KLHDC4: variants seen among roughly 807,000 people sequenced by gnomAD.
The protein encoded by KLHDC4 is kelch domain-containing protein 4.
KLHDC4 carries 90 observed loss-of-function variants against 62.4 expected under a neutral mutation model. That is an observed-to-expected ratio of 1.44 (90% CI 1.22 to 1.72). KLHDC4 has a LOEUF of 1.72. Ranked by LOEUF, KLHDC4 falls within the 40% of genes most tolerant of loss-of-function variation. The pLI is 0.00. For synonymous variants in KLHDC4, 386 were observed against 284.4 expected (o/e 1.36, Z -3.59); for missense variants, 1,025 against 699.7 (o/e 1.47, Z -5.25).
intron 7 of KLHDC4, among the ~76,000 whole-genome samples, chr16:87,719,918 C>A (rs1470224382): frequency 6.6e-6 from 1 of 152,222 alleles, no homozygotes; most frequent in Non-Finnish European, 1.5e-5. Context: ...ATCGGCCGCA[C>A]ACGCCAAGTC....
rs184170931 is a variant in KLHDC4, at chr16:87,735,041, C to A, written c.507-4397G>T. 3.8e-4 allele frequency among the ~76,000 whole-genome samples: 52 copies of A among 138,554 alleles called. 1 individual carries two copies. Among genetic ancestry groups the A allele is most frequent in the African/African-American group, 1.2e-3 (42 of 36,452 alleles). 90.9% of individuals were successfully genotyped at this position (138,554 alleles called of 152,430 possible). A position where few individuals can be genotyped will look rare whatever the true frequency, so the allele number is the denominator to read the frequency against. On this transcript the variant is annotated intron_variant, in intron 5 of 11. Transcript: ENST00000270583. ...ACGAATTGCCCGACGCCCCCTCCCC[C>A]CCAGACGAATTTCCTGATGGATTAC... is the stretch of plus-strand genomic sequence containing the variant.
At chr16:87,749,926 G>T (rs190477095) in intron 4 of KLHDC4, among the ~76,000 whole-genome samples, 2 of 152,218 alleles carry the variant, frequency 1.3e-5, no homozygotes, top group Non-Finnish European at 2.9e-5. Context: ...CACAGTAAAG[G>T]TGAAGGAGCG....
At chr16:87,745,336 C>T (rs1192363937) in intron 5 of KLHDC4, among the ~76,000 whole-genome samples, 1 of 152,194 alleles carries the variant, frequency 6.6e-6, no homozygotes. Context: ...CCCATACTAC[C>T]CAGCACTGCT....
chr16:87,747,486 CCTA>C (rs1054461826), intron 5 of KLHDC4: 29 of 152,134 alleles, frequency 1.9e-4, no homozygotes, highest in African/African-American at 6.5e-4. Context: ...AATTGCTGCG[CCTA>C]CTAAAATTAC....
At chr16:87,732,640 T>C (rs559090861) in intron 5 of KLHDC4, among the ~76,000 whole-genome samples, 1 of 152,372 alleles carries the variant, frequency 6.6e-6, no homozygotes, top group East Asian at 1.9e-4. Flanking sequence ...AGAGATACCA[T>C]TTTATTCTAT....
chr16:87,761,314 G>A (rs2045863349), intron 2 of KLHDC4, among the ~76,000 whole-genome samples: 3 of 152,140 alleles, frequency 2.0e-5, no homozygotes, highest in South Asian at 4.1e-4. Context: ...TAATGCAAAC[G>A]CAGCACAATC....
chr16:87,736,350 A>C (rs1022891983), intron 5 of KLHDC4, among the ~76,000 whole-genome samples: 29 of 152,224 alleles, frequency 1.9e-4, no homozygotes, highest in African/African-American at 7.0e-4. Context: ...TCGTGAACAG[A>C]AACATCGTGA....
At chr16:87,745,234 C>CA (rs2042867546) in intron 5 of KLHDC4, among the ~76,000 whole-genome samples, 8 of 152,224 alleles carry the variant, frequency 5.3e-5, no homozygotes, top group Admixed American at 5.2e-4. Flanking sequence ...TCTCACAACA[C>CA]CCGCCCTGGG....
rs2036372935 is a variant in KLHDC4, at chr16:87,713,809, C to T, written c.835+689G>A. 2.6e-5 allele frequency among the ~76,000 whole-genome samples: 4 copies of T among 152,286 alleles called. No homozygotes were observed. The South Asian group carries it at 8.3e-4, about 32-fold the overall frequency. On this transcript the variant is annotated intron_variant, in intron 8 of 11. Transcript: ENST00000270583. ...ATCCCATGTCATCCTTTTAAAAAGTCCCAGAGAATGATGATTGTTCCCCTG... is the reference window on the plus strand; with the variant it reads ...ATCCCATGTCATCCTTTTAAAAAGTTCCAGAGAATGATGATTGTTCCCCTG...
chr16:87,719,920 C>G (rs1436191357), intron 7 of KLHDC4, among the ~76,000 whole-genome samples: 1 of 152,214 alleles, frequency 6.6e-6, no homozygotes, highest in Non-Finnish European at 1.5e-5. Context: ...CGGCCGCACA[C>G]GCCAAGTCCC....
At chr16:87,724,964 C>A (rs960126223) in intron 7 of KLHDC4, among the ~76,000 whole-genome samples, 6 of 152,154 alleles carry the variant, frequency 3.9e-5, no homozygotes, top group African/African-American at 1.4e-4. Flanking sequence ...AGGTGTCCAA[C>A]GAAAAACAGA....
intron 7 of KLHDC4, among the ~76,000 whole-genome samples, chr16:87,719,252 G>A (rs1366567133): frequency 3.3e-5 from 5 of 152,276 alleles, no homozygotes; most frequent in African/African-American, 7.2e-5. Flanking sequence ...GGAAAAGAAA[G>A]AGAGATCAGA....
chr16:87,726,855 CG>C lies in KLHDC4; in HGVS notation c.668del (p.Pro223ArgfsTer49). The C allele has an allele frequency of 6.2e-7, 1 of 1,613,358 alleles. No homozygotes were observed. The highest frequency in any genetic ancestry group is 1.1e-5 in the South Asian group (1 of 91,040). On this transcript the variant is annotated frameshift_variant, in exon 7 of 12. Transcript: ENST00000270583. LOFTEE classifies it high-confidence loss of function. ...ATCTGGGTGTGGGCCCCGTCCCTGA[CG>C]GGGACAGCTTGCTCCATGTGAAGGT... The part of the protein sequence containing the change: ...LDTFTWSKLS[P>X]SGTGPTPRSG...
At chr16:87,728,804 C>T (rs1253954622) in intron 6 of KLHDC4, among the ~76,000 whole-genome samples, 1 of 152,004 alleles carries the variant, frequency 6.6e-6, no homozygotes. Context: ...CATAGTGAAA[C>T]CCCGTCTCTA....
At chr16:87,748,386 C>T (rs1354310878) in intron 5 of KLHDC4, among the ~76,000 whole-genome samples, 1 of 152,212 alleles carries the variant, frequency 6.6e-6, no homozygotes, top group Non-Finnish European at 1.5e-5. Flanking sequence ...AACAGAAGAC[C>T]ACAGGAGAAG....
intron 4 of KLHDC4, among the ~76,000 whole-genome samples, chr16:87,751,484 G>A (rs28435697): frequency 6.1e-5 from 9 of 148,158 alleles, no homozygotes; most frequent in East Asian, 2.0e-4. Context: ...AAAAAAAAAA[G>A]AAAAAAAAAA....
intron 6 of KLHDC4, among the ~76,000 whole-genome samples, chr16:87,730,127 T>G (rs962191550): frequency 6.6e-5 from 10 of 152,118 alleles, no homozygotes; most frequent in Admixed American, 6.5e-4. Flanking sequence ...CCAATTTTTG[T>G]ATTTTTAGTA....
chr16:87,732,704 G>A (rs1018615409), intron 5 of KLHDC4, among the ~76,000 whole-genome samples: 12 of 152,162 alleles, frequency 7.9e-5, no homozygotes, highest in Middle Eastern at 3.4e-3. Flanking sequence ...GCATGTCACG[G>A]GACAATGCTC....
chr16:87,730,525 A>T, intron 6 of KLHDC4, 27 bp downstream of exon 6: 3 of 1,577,396 alleles, frequency 1.9e-6, no homozygotes, highest in Non-Finnish European at 2.6e-6. Flanking sequence ...TTCAGGAGAG[A>T]AAGATTTTTC....
Sources: gnomAD v4.1 joint callset for allele counts (sites outside exome capture counted in the v4.1 genomes callset) on GRCh38, gnomAD v4.1.1 for gene constraint, MANE v1.5 for transcripts, NCBI Gene and HGNC (gene_info 2026-07-23, HGNC 2026-07-21) for gene names.